Variants in SEZ6L observed in about 807,000 individuals in gnomAD.
SEZ6L encodes the protein seizure related 6 homolog like, also known as seizure 6-like protein.
SEZ6L carries 37 observed loss-of-function variants against 106.2 expected under a neutral mutation model. The observed-to-expected ratio is 0.35, with a 90% CI of 0.27 to 0.46. The LOEUF is 0.46. SEZ6L is among the 20% of genes least tolerant of loss of function. The probability of loss-of-function intolerance (pLI) is 1.00; values close to 1 mark genes in which losing one functional copy is unlikely to be tolerated. For synonymous variants in SEZ6L, 541 were observed against 570.4 expected (o/e 0.95, Z 0.73); for missense variants, 1,172 against 1,332.8 (o/e 0.88, Z 1.88).
intron 1 of SEZ6L, among the ~76,000 whole-genome samples, chr22:26,184,755 A>G (rs1009874208): frequency 6.6e-6 from 1 of 152,170 alleles, no homozygotes; most frequent in Non-Finnish European, 1.5e-5. Context: ...GTCTACTCCT[A>G]CAATAAAAGA....
At chr22:26,218,300 T>C (rs750994738) in intron 1 of SEZ6L, among the ~76,000 whole-genome samples, 12 of 152,270 alleles carry the variant, frequency 7.9e-5, no homozygotes, top group South Asian at 2.1e-4. Flanking sequence ...GTTTGTTACA[T>C]AGGTACAATA....
chr22:26,229,445 A>G (rs1044742923), intron 1 of SEZ6L, among the ~76,000 whole-genome samples: 9 of 152,228 alleles, frequency 5.9e-5, no homozygotes, highest in African/African-American at 2.2e-4. Flanking sequence ...AATAATCAAA[A>G]TAATTAATAT....
At chr22:26,251,398 G>C (rs1051479792) in intron 1 of SEZ6L, among the ~76,000 whole-genome samples, 1 of 151,286 alleles carries the variant, frequency 6.6e-6, no homozygotes, top group Non-Finnish European at 1.5e-5. Context: ...TTTTCTGCAA[G>C]TCTTGAAATA....
intron 1 of SEZ6L, among the ~76,000 whole-genome samples, chr22:26,202,814 G>A (rs1240353442): frequency 6.6e-6 from 1 of 152,136 alleles, no homozygotes. Context: ...CTGTAGTATC[G>A]AGCTTGCATA....
intron 1 of SEZ6L, among the ~76,000 whole-genome samples, chr22:26,291,257 G>T (rs2081098741): frequency 6.6e-6 from 1 of 152,196 alleles, no homozygotes. Flanking sequence ...ATACTATGCA[G>T]CCATAAAGAC....
chr22:26,202,920 G>A (rs533497910), intron 1 of SEZ6L, among the ~76,000 whole-genome samples: 2 of 152,302 alleles, frequency 1.3e-5, no homozygotes, highest in South Asian at 4.1e-4. Context: ...GTAATATTTA[G>A]AGAGCACTAT....
intron 7 of SEZ6L, 108 bp downstream of exon 7, chr22:26,310,944 C>G: frequency 9.1e-7 from 1 of 1,096,056 alleles, no homozygotes; most frequent in Non-Finnish European, 1.3e-6. Context: ...GTGGGAAATC[C>G]CATGGCCATG....
At chr22:26,314,988 GA>G (rs1189926127) in intron 9 of SEZ6L, among the ~76,000 whole-genome samples, 1 of 152,184 alleles carries the variant, frequency 6.6e-6, no homozygotes. Context: ...GGTGCCTGGA[GA>G]AAGCAGAATA....
In SEZ6L at chr22:26,353,600, T is replaced by C. The variant is rs181664529; in HGVS notation, c.2599+2357T>C. Among the ~76,000 whole-genome samples the C allele has an allele frequency of 2.7e-3, 407 of 152,316 alleles. 1 individual carries two copies. The highest frequency in any genetic ancestry group is 9.6e-3 in the African/African-American group (397 of 41,564). ...CACATTGGTTGGTTCCTGTTATAGG[T>C]TGAATCTATCCCCAAAAGATATGTT... On this transcript the variant is annotated intron_variant, in intron 12 of 16. Transcript: ENST00000248933.
chr22:26,354,116 G>T (rs2083363939), intron 12 of SEZ6L, among the ~76,000 whole-genome samples: 1 of 152,034 alleles, frequency 6.6e-6, no homozygotes, highest in African/African-American at 2.4e-5. Context: ...CTAACCCATG[G>T]TATCTGTAAC....
At chr22:26,310,564 A>C in intron 6 of SEZ6L, 106 bp from the exon 7 acceptor site, 1 of 1,230,292 alleles carries the variant, frequency 8.1e-7, no homozygotes, top group Non-Finnish European at 1.1e-6. Context: ...TAGGTTTGGG[A>C]TCCGGTAATG....
chr22:26,326,508 C>A (rs2145955946), intron 9 of SEZ6L, among the ~76,000 whole-genome samples: 1 of 152,274 alleles, frequency 6.6e-6, no homozygotes, highest in East Asian at 1.9e-4. Flanking sequence ...AGCACGTTAC[C>A]TCTTAGTTAA....
At chr22:26,180,036 G>A (rs1278671271) in intron 1 of SEZ6L, among the ~76,000 whole-genome samples, 3 of 152,202 alleles carry the variant, frequency 2.0e-5, no homozygotes, top group Non-Finnish European at 4.4e-5. Context: ...AGCATGGAGA[G>A]AGCACAAATG....
At chr22:26,335,999 A>G (rs2082632890) in intron 9 of SEZ6L, among the ~76,000 whole-genome samples, 1 of 152,196 alleles carries the variant, frequency 6.6e-6, no homozygotes, top group African/African-American at 2.4e-5. Flanking sequence ...CTCAATGGCC[A>G]GTGCCTTCTT....
intron 9 of SEZ6L, among the ~76,000 whole-genome samples, chr22:26,340,005 TG>T (rs1177436468): frequency 6.6e-6 from 1 of 151,996 alleles, no homozygotes; most frequent in Non-Finnish European, 1.5e-5. Context: ...GAGGCCGAGG[TG>T]GGCAGATTGC....
intron 12 of SEZ6L, among the ~76,000 whole-genome samples, chr22:26,352,001 A>G (rs2083297668): frequency 6.6e-6 from 1 of 152,090 alleles, no homozygotes; most frequent in African/African-American, 2.4e-5. Context: ...TCTACCAAAA[A>G]AATACAGAAA....
At position 26,294,401 on chromosome 22, in the gene SEZ6L, C is replaced by T. The variant is rs1364680512; in HGVS notation, c.945C>T (p.Tyr315=). 1.2e-6 allele frequency: 2 copies of T among 1,614,116 alleles called. No homozygotes were observed. The highest frequency in any genetic ancestry group is 2.2e-5 in the East Asian group (1 of 44,870). Reference sequence around the variant, plus strand: ...AGTGCACATACAACGTGACAGTCTACACTGGCTATGGGGTGGAGCTCCAGG... The same window carrying T: ...AGTGCACATACAACGTGACAGTCTATACTGGCTATGGGGTGGAGCTCCAGG... ...FLECTYNVTV[Y]TGYGVELQVK... The change falls in exon 3 of 17, where the codon TAC becomes TAT. Residue 315 remains tyrosine, a synonymous_variant. Coordinates refer to ENST00000248933, the MANE Select transcript of SEZ6L (RefSeq NM_021115.5).
chr22:26,326,934 G>A (rs984398409), intron 9 of SEZ6L, among the ~76,000 whole-genome samples: 6 of 152,342 alleles, frequency 3.9e-5, no homozygotes, highest in African/African-American at 7.2e-5. Flanking sequence ...TTCAAAGTTC[G>A]TTTTTCTTGG....
At chr22:26,352,397 T>A (rs553393357) in intron 12 of SEZ6L, among the ~76,000 whole-genome samples, 3 of 152,060 alleles carry the variant, frequency 2.0e-5, no homozygotes, top group Non-Finnish European at 4.4e-5. Context: ...GAGGTCTTGA[T>A]AGTGTTGAAG....
Sources: allele counts gnomAD v4.1 joint callset (sites outside exome capture counted in the v4.1 genomes callset), GRCh38; gene constraint gnomAD v4.1.1; transcripts MANE v1.5; gene names NCBI Gene and HGNC (gene_info 2026-07-23, HGNC 2026-07-21).